WWC2: variants seen among roughly 807,000 people sequenced by gnomAD.
WWC2 encodes the protein protein WWC2.
A neutral mutation model predicts 138.5 loss-of-function variants in WWC2; 101 were observed. The ratio of observed to expected loss-of-function variants is 0.73; its 90% CI spans 0.62 to 0.86. The LOEUF is 0.86. WWC2 is among the 40% of genes least tolerant of loss of function. WWC2 has a pLI of 0.00. For synonymous variants in WWC2, 558 were observed against 538.4 expected (o/e 1.04, Z -0.50); for missense variants, 1,420 against 1,419.4 (o/e 1.00, Z -0.01).
intron 1 of WWC2, among the ~76,000 whole-genome samples, chr4:183,142,834 T>A (rs1474488451): frequency 6.6e-6 from 1 of 152,204 alleles, no homozygotes; most frequent in Non-Finnish European, 1.5e-5. Context: ...CTGGGTGGTT[T>A]TACTGTTCAG....
chr4:183,250,043 A>G (rs766271225), intron 8 of WWC2, 50 bp downstream of exon 8: 6 of 1,524,668 alleles, frequency 3.9e-6, no homozygotes, highest in South Asian at 1.2e-5. Flanking sequence ...TTTCTTTTCC[A>G]GAATTAATCT....
At chr4:183,292,020 T>C (rs1738467284) in intron 21 of WWC2, among the ~76,000 whole-genome samples, 1 of 99,938 alleles carries the variant, frequency 1.0e-5, no homozygotes, top group Non-Finnish European at 2.2e-5. Flanking sequence ...ACCTTGTCTC[T>C]ACAAAAAAAA....
intron 2 of WWC2, among the ~76,000 whole-genome samples, chr4:183,197,388 A>G (rs1333276668): frequency 3.3e-5 from 5 of 152,230 alleles, no homozygotes; most frequent in Non-Finnish European, 7.3e-5. Context: ...GCTGTTCCAC[A>G]CATATGTTGT....
At chr4:183,173,874 A>G (rs1411766588) in intron 1 of WWC2, among the ~76,000 whole-genome samples, 2 of 152,176 alleles carry the variant, frequency 1.3e-5, no homozygotes, top group East Asian at 3.9e-4. Flanking sequence ...GCTCTCAGTC[A>G]TATTTAAGAA....
intron 14 of WWC2, 119 bp from the exon 15 acceptor site, chr4:183,268,852 A>G: frequency 9.0e-7 from 1 of 1,111,836 alleles, no homozygotes; most frequent in East Asian, 2.4e-5. Context: ...AACACTTTAG[A>G]TTGATCTTGA....
intron 1 of WWC2, among the ~76,000 whole-genome samples, chr4:183,117,850 G>T (rs1732466301): frequency 6.6e-6 from 1 of 151,688 alleles, no homozygotes; most frequent in Admixed American, 6.6e-5. Flanking sequence ...TGCCAGGCTG[G>T]AATGCAATGG....
intron 14 of WWC2, among the ~76,000 whole-genome samples, chr4:183,267,088 C>G (rs1222241683): frequency 6.6e-6 from 1 of 150,960 alleles, no homozygotes; most frequent in African/African-American, 2.4e-5. Flanking sequence ...TGGTCTTGAA[C>G]TCCCTGGGCT....
chr4:183,285,962 G>A lies in WWC2; in HGVS notation c.3049-5G>A. On this transcript the variant is annotated splice_polypyrimidine_tract_variant and splice_region_variant and intron_variant, in intron 19 of 22. Transcript: ENST00000403733. Reference sequence around the variant, plus strand: ...TGATTTTTTTTTTAAATCTTTTGTTGCCAGTTAAATCGGAGTGACAGTGAC... The same window carrying A: ...TGATTTTTTTTTTAAATCTTTTGTTACCAGTTAAATCGGAGTGACAGTGAC... 6.3e-7 allele frequency: 1 copy of A among 1,578,846 alleles called. No homozygotes were observed. The highest frequency in any genetic ancestry group is 1.3e-5 in the African/African-American group (1 of 74,360).
intron 21 of WWC2, among the ~76,000 whole-genome samples, chr4:183,299,473 G>A (rs1262960169): frequency 6.6e-6 from 1 of 152,136 alleles, no homozygotes; most frequent in African/African-American, 2.4e-5. Flanking sequence ...TAGTGCAGAG[G>A]GTTTTTATCG....
At chr4:183,163,142 C>T (rs960816378) in intron 1 of WWC2, among the ~76,000 whole-genome samples, 7 of 152,256 alleles carry the variant, frequency 4.6e-5, no homozygotes, top group East Asian at 1.9e-4. Context: ...AAAGTGGTGA[C>T]GGTAAAAGGA....
At chr4:183,277,850 T>G (rs1490711246) in intron 16 of WWC2, among the ~76,000 whole-genome samples, 12 of 150,908 alleles carry the variant, frequency 8.0e-5, no homozygotes, top group Non-Finnish European at 1.3e-4. Context: ...TAAATTTGTT[T>G]GAGTTCATTG....
chr4:183,207,833 G>A (rs756591684), intron 2 of WWC2, 120 bp from the exon 3 acceptor site: 5 of 921,212 alleles, frequency 5.4e-6, no homozygotes, highest in Non-Finnish European at 8.0e-6. Flanking sequence ...AGTCACTCCA[G>A]CACAGCTAAA....
rs1199551481 is a variant in WWC2, at chr4:183,135,543, A to ATT, written c.131+35922_131+35923dup. Among the ~76,000 whole-genome samples the ATT allele has an allele frequency of 2.6e-5, 4 of 151,018 alleles. No individual in the cohort carries two copies. In the East Asian group the frequency reaches 5.8e-4, roughly 22 times the overall value. ...TATGCTACTTTTGTTCAGTACTTTA[A>ATT]TTATATATATATATATAGATACACA... is the stretch of plus-strand genomic sequence containing the variant. On this transcript the variant is annotated intron_variant, in intron 1 of 22. Transcript: ENST00000403733.
intron 4 of WWC2, among the ~76,000 whole-genome samples, chr4:183,221,563 G>A (rs951216299): frequency 2.0e-5 from 3 of 152,160 alleles, no homozygotes; most frequent in Non-Finnish European, 4.4e-5. Context: ...TATAACTACA[G>A]TGGAATTAAA....
intron 21 of WWC2, among the ~76,000 whole-genome samples, chr4:183,306,822 C>T (rs1485097016): frequency 2.3e-5 from 3 of 132,222 alleles, no homozygotes; most frequent in African/African-American, 8.4e-5. Context: ...CCACTGTGCC[C>T]GACCAGGATA....
At chr4:183,199,535 G>A (rs1735246254) in intron 2 of WWC2, among the ~76,000 whole-genome samples, 1 of 152,266 alleles carries the variant, frequency 6.6e-6, no homozygotes, top group South Asian at 2.1e-4. Flanking sequence ...AAACCCTGTA[G>A]TAGATGGCCA....
chr4:183,099,464 G>C lies in WWC2; in HGVS notation c.-28G>C. ...CGTCCCGCGCCCGGTACCTATGGAGGCGCCGCTCGCCGGCGAGGCCGCCGA... is the reference window on the plus strand; with the variant it reads ...CGTCCCGCGCCCGGTACCTATGGAGCCGCCGCTCGCCGGCGAGGCCGCCGA... On this transcript the variant is annotated 5_prime_UTR_variant, in exon 1 of 23. Coordinates refer to ENST00000403733, the MANE Select transcript of WWC2 (RefSeq NM_024949.6). The C allele has an allele frequency of 7.9e-7, 1 of 1,269,586 alleles. No individual in the cohort carries two copies. The highest frequency in any genetic ancestry group is 1.0e-6 in the Non-Finnish European group (1 of 999,024). The allele number at this position is 1,269,586 out of a possible 1,614,324, so 78.6% of individuals were successfully genotyped here.
chr4:183,148,848 C>T lies in WWC2; in HGVS notation c.132-44751C>T, dbSNP rs115449506. Among the ~76,000 whole-genome samples, 554 of 151,306 alleles carry T rather than the reference C, an allele frequency of 3.7e-3. 4 individuals carry two copies. The highest frequency in any genetic ancestry group is 0.013 in the African/African-American group (528 of 41,220). On this transcript the variant is annotated intron_variant, in intron 1 of 22. Coordinates refer to ENST00000403733, the MANE Select transcript of WWC2 (RefSeq NM_024949.6). The stretch of plus-strand genomic sequence containing the variant: ...ATGAGCAATTAGGAATGGACCCAGC[C>T]GGGCACAGTAGCTCATGCCTGCAAT...
chr4:183,118,224 A>G (rs1487142962), intron 1 of WWC2, among the ~76,000 whole-genome samples: 1 of 152,196 alleles, frequency 6.6e-6, no homozygotes, highest in Non-Finnish European at 1.5e-5. Context: ...ATTCAGGGTA[A>G]AGAGCCTTCA....
Sources: gnomAD v4.1 joint callset for allele counts (sites outside exome capture counted in the v4.1 genomes callset) on GRCh38, gnomAD v4.1.1 for gene constraint, MANE v1.5 for transcripts, NCBI Gene and HGNC (gene_info 2026-07-23, HGNC 2026-07-21) for gene names.